The following CNTN4 variants were observed in gnomAD, a reference collection of about 807,000 sequenced individuals.
CNTN4 encodes contactin-4.
In CNTN4, 77 loss-of-function variants were observed where a neutral mutation model predicts 122.5. That is an observed-to-expected ratio of 0.63 (90% CI 0.52 to 0.76). CNTN4 has a LOEUF of 0.76. CNTN4 is among the 30% of genes least tolerant of loss of function. The pLI, the probability that CNTN4 is intolerant of heterozygous loss-of-function variation, is 0.00. For missense variants in CNTN4, 1,256 were observed against 1,259.1 expected, an observed-to-expected ratio of 1.00 and a Z score of 0.04; for synonymous variants, 512 against 447.0, an observed-to-expected ratio of 1.15 and a Z score of -1.83.
chr3:2,866,878 G>T lies in CNTN4; in HGVS notation c.581G>T (p.Cys194Phe). The T allele has an allele frequency of 6.2e-7, 1 of 1,613,998 alleles. No individual in the cohort carries two copies. The highest frequency in any genetic ancestry group is 8.5e-7 in the Non-Finnish European group (1 of 1,179,924). Residue 194 changes from cysteine to phenylalanine, a missense_variant, in exon 8 of 25, where the codon TGT (cysteine) becomes TTT (phenylalanine). Physicochemically the swap from Cys to Phe is radical, Grantham distance 205 (BLOSUM62 -2). Coordinates refer to ENST00000418658, the MANE Select transcript of CNTN4 (RefSeq NM_175607.3). ...AAATCAGATGTTGGGAATTATACCTGTGTGGTTACCAATACCGTGACAAAC... is the reference window on the plus strand; with the variant it reads ...AAATCAGATGTTGGGAATTATACCTTTGTGGTTACCAATACCGTGACAAAC... Reference protein sequence around the residue: ...VEKSDVGNYTCVVTNTVTNHK... With the variant: ...VEKSDVGNYTFVVTNTVTNHK...
At chr3:2,732,864 C>T (rs866734926) in intron 4 of CNTN4, among the ~76,000 whole-genome samples, 1 of 152,116 alleles carries the variant, frequency 6.6e-6, no homozygotes, top group African/African-American at 2.4e-5. Context: ...TGCACAAAAG[C>T]CTGTGGATTT....
intron 13 of CNTN4, among the ~76,000 whole-genome samples, chr3:2,929,894 C>T (rs184435520): frequency 3.9e-5 from 6 of 152,174 alleles, no homozygotes; most frequent in South Asian, 2.1e-4. Flanking sequence ...ATGGATGCTG[C>T]GCAGAGGCTG....
intron 2 of CNTN4, among the ~76,000 whole-genome samples, chr3:2,149,866 A>C (rs1188779594): frequency 6.6e-6 from 1 of 152,096 alleles, no homozygotes; most frequent in African/African-American, 2.4e-5. Flanking sequence ...TACTGACAAC[A>C]TAACCAGAGG....
chr3:2,813,754 G>A (rs1472200199), intron 6 of CNTN4, among the ~76,000 whole-genome samples: 1 of 151,984 alleles, frequency 6.6e-6, no homozygotes, highest in Non-Finnish European at 1.5e-5. Context: ...CTATAATCAG[G>A]TATTTATGGT....
intron 2 of CNTN4, among the ~76,000 whole-genome samples, chr3:2,269,037 G>A (rs1047142497): frequency 6.6e-6 from 1 of 152,110 alleles, no homozygotes; most frequent in African/African-American, 2.4e-5. Context: ...CTGTCGAAAT[G>A]TCTGATGCAT....
At chr3:2,186,235 C>T (rs1446193603) in intron 2 of CNTN4, among the ~76,000 whole-genome samples, 3 of 152,088 alleles carry the variant, frequency 2.0e-5, no homozygotes, top group South Asian at 2.1e-4. Context: ...CCAGCTTCAT[C>T]CATCTCCCTA....
chr3:2,317,952 CT>C (rs2043161938), intron 2 of CNTN4, among the ~76,000 whole-genome samples: 1 of 152,164 alleles, frequency 6.6e-6, no homozygotes, highest in Non-Finnish European at 1.5e-5. Context: ...AACACTTAGT[CT>C]TTTGTCTGCA....
At chr3:2,951,682 G>A (rs344405) in intron 13 of CNTN4, among the ~76,000 whole-genome samples, 84,705 of 152,094 alleles carry the variant, frequency 0.56, 23,771 homozygotes, top group South Asian at 0.73. Context: ...GGTTTCAGTC[G>A]TTCATATGTG....
At chr3:2,277,653 C>G (rs187536542) in intron 2 of CNTN4, among the ~76,000 whole-genome samples, 3 of 152,090 alleles carry the variant, frequency 2.0e-5, no homozygotes, top group Non-Finnish European at 4.4e-5. Flanking sequence ...CTCCTGTCTC[C>G]ATTGTTGGCA....
chr3:2,790,338 A>T (rs747552418), intron 6 of CNTN4, among the ~76,000 whole-genome samples: 10 of 152,330 alleles, frequency 6.6e-5, no homozygotes, highest in Admixed American at 2.6e-4. Context: ...GGATCTCAAG[A>T]GATCCTCTGG....
At chr3:2,192,300 G>A (rs1417551412) in intron 2 of CNTN4, among the ~76,000 whole-genome samples, 14 of 151,958 alleles carry the variant, frequency 9.2e-5, no homozygotes, top group Middle Eastern at 3.2e-3. Context: ...TTGAGGAATC[G>A]CCACACTGTC....
chr3:2,148,875 AC>A, intron 2 of CNTN4, among the ~76,000 whole-genome samples: 1 of 152,216 alleles, frequency 6.6e-6, no homozygotes, highest in Middle Eastern at 3.4e-3. Context: ...TATATTTAAT[AC>A]TTTTTAACAT....
intron 2 of CNTN4, among the ~76,000 whole-genome samples, chr3:2,222,253 A>G (rs13095201): frequency 0.35 from 53,836 of 152,000 alleles, 9,971 homozygotes; most frequent in African/African-American, 0.45. Flanking sequence ...AAATGGATAA[A>G]CCTTGGAAAC....
chr3:2,251,428 T>A (rs1004584514), intron 2 of CNTN4, among the ~76,000 whole-genome samples: 1 of 151,966 alleles, frequency 6.6e-6, no homozygotes, highest in African/African-American at 2.4e-5. Context: ...TCACCTGCAT[T>A]TGAGGTCAGA....
At chr3:2,344,268 GC>G (rs1425170429) in intron 3 of CNTN4, among the ~76,000 whole-genome samples, 4 of 148,640 alleles carry the variant, frequency 2.7e-5, no homozygotes, top group Non-Finnish European at 5.9e-5. Context: ...AAGGCCAAAG[GC>G]CAGGTCAAAT....
At chr3:2,113,533 A>C (rs2033118452) in intron 2 of CNTN4, among the ~76,000 whole-genome samples, 1 of 152,166 alleles carries the variant, frequency 6.6e-6, no homozygotes, top group Non-Finnish European at 1.5e-5. Flanking sequence ...TTTGCATTGT[A>C]TTCTTAACTA....
At chr3:2,233,910 G>A (rs925552427) in intron 2 of CNTN4, among the ~76,000 whole-genome samples, 3 of 152,188 alleles carry the variant, frequency 2.0e-5, no homozygotes, top group Admixed American at 2.0e-4. Flanking sequence ...CACAGCAAAA[G>A]GTAGAAGAAA....
chr3:2,903,356 G>A (rs76569464), intron 12 of CNTN4, among the ~76,000 whole-genome samples: 1 of 152,278 alleles, frequency 6.6e-6, no homozygotes, highest in East Asian at 1.9e-4. Flanking sequence ...AGCTGACTTG[G>A]TTTGGAAAGG....
At chr3:2,229,242 T>C (rs925905194) in intron 2 of CNTN4, among the ~76,000 whole-genome samples, 3 of 152,180 alleles carry the variant, frequency 2.0e-5, no homozygotes, top group Non-Finnish European at 4.4e-5. Flanking sequence ...TAAATGATTA[T>C]TGCATTAGGA....
Sources: gnomAD v4.1 joint callset for allele counts (sites outside exome capture counted in the v4.1 genomes callset) on GRCh38, gnomAD v4.1.1 for gene constraint, MANE v1.5 for transcripts, NCBI Gene and HGNC (gene_info 2026-07-23, HGNC 2026-07-21) for gene names.